Variants in PRAG1 observed in about 807,000 individuals in gnomAD.
The protein encoded by PRAG1 is PEAK1 related, kinase-activating pseudokinase 1.
Under a neutral mutation model 95.6 loss-of-function variants are expected in PRAG1, and 110 were observed. That is an observed-to-expected ratio of 1.15 (90% CI 0.99 to 1.35). The LOEUF is 1.35. PRAG1 is among the 40% of genes most tolerant of loss of function. The pLI is 0.00. For missense variants in PRAG1, 2,554 were observed against 1,864.7 expected, an observed-to-expected ratio of 1.37 and a Z score of -6.81; for synonymous variants, 1,052 against 819.4, an observed-to-expected ratio of 1.28 and a Z score of -4.85.
chr8:8,376,584 G>T lies in PRAG1; in HGVS notation c.1825C>A (p.Pro609Thr). 2 of 1,606,142 alleles carry T rather than the reference G, an allele frequency of 1.2e-6. No homozygotes were observed. The highest frequency in any genetic ancestry group is 4.5e-5 in the East Asian group (2 of 44,716). The change falls in exon 3 of 6, where the codon CCA (proline) becomes ACA (threonine). Residue 609 changes from proline to threonine, a missense_variant. Physicochemically the swap from Pro to Thr is conservative, Grantham distance 38. Coordinates refer to ENST00000615670, the MANE Select transcript of PRAG1 (RefSeq NM_001080826.3). ...GCGGCAGGCTGGGGACACCTGGATG[G>T]GTCACTGATAGCGACACCGTTGGTC... ...CRTNGVAISD[P>T]SRCPQPAASS...
chr8:8,339,349 C>T (rs1799093612), intron 4 of PRAG1, 129 bp downstream of exon 4: 3 of 983,020 alleles, frequency 3.1e-6, no homozygotes, highest in Non-Finnish European at 4.4e-6. Context: ...CTGGAAGAGT[C>T]TACTTCATTG....
chr8:8,358,031 G>A (rs1260487695), intron 3 of PRAG1, among the ~76,000 whole-genome samples: 1 of 152,146 alleles, frequency 6.6e-6, no homozygotes, highest in African/African-American at 2.4e-5. Flanking sequence ...CCCACAGGTT[G>A]AGGGTTCAGT....
Position 8,318,654 on chromosome 8 carries a change from G to A in PRAG1, c.3721C>T (p.Pro1241Ser). ...TACTGGGAAGCAGACACGATCTCGG[G>A]GGCCAGCCGGGCCTGGCTCTTCTTC... ...QQKKSQARLAPEIVSASQYRK... is the reference protein window; with the variant it reads ...QQKKSQARLASEIVSASQYRK... The change falls in exon 6 of 6, where the codon CCC becomes TCC. Residue 1241 changes from proline to serine, a missense_variant. Coordinates refer to ENST00000615670, the MANE Select transcript of PRAG1 (RefSeq NM_001080826.3). The surrounding 1 kb of genome is among the most constrained non-coding windows in gnomAD (Gnocchi z 4.2). 1 of 1,611,884 alleles carries A rather than the reference G, an allele frequency of 6.2e-7. No homozygotes were observed. Among genetic ancestry groups the A allele is most frequent in the Non-Finnish European group, 8.5e-7 (1 of 1,179,868 alleles).
At position 8,319,098 on chromosome 8, in the gene PRAG1, G is replaced by A; in HGVS notation, c.3277C>T (p.Arg1093Ter). The A allele has an allele frequency of 6.2e-7, 1 of 1,609,930 alleles. No individual in the cohort carries two copies. The highest frequency in any genetic ancestry group is 8.5e-7 in the Non-Finnish European group (1 of 1,179,484). ...QEQDCVVVIT[R>*]EVPHQTASDF... ...GAGGCGGTCTGATGTGGCACCTCTCGGGTGATGACCACCACGCAGTCCTGC... is the reference window on the plus strand; with the variant it reads ...GAGGCGGTCTGATGTGGCACCTCTCAGGTGATGACCACCACGCAGTCCTGC... Residue 1093 changes from arginine (R) to a stop codon, truncating the protein, a stop_gained, in exon 6 of 6, where the codon CGA becomes TGA. Transcript: ENST00000615670. LOFTEE classifies it high-confidence loss of function.
chr8:8,372,118 A>G (rs1800227721), intron 3 of PRAG1, among the ~76,000 whole-genome samples: 1 of 152,178 alleles, frequency 6.6e-6, no homozygotes, highest in Admixed American at 6.5e-5. Flanking sequence ...AAAGTCATTA[A>G]GTCATTTAAA....
chr8:8,385,747 G>T (rs916116926), intron 1 of PRAG1, among the ~76,000 whole-genome samples: 1 of 152,130 alleles, frequency 6.6e-6, no homozygotes, highest in South Asian at 2.1e-4. Context: ...TTCTAAGTGT[G>T]TGTGTCCCCG....
chr8:8,327,577 A>C (rs1005145284), intron 5 of PRAG1, 133 bp downstream of exon 5: 1 of 1,083,878 alleles, frequency 9.2e-7, no homozygotes, highest in African/African-American at 1.6e-5. Context: ...TCTTACAAGA[A>C]AAAAAAGAAT....
intron 3 of PRAG1, among the ~76,000 whole-genome samples, chr8:8,371,307 C>T (rs1800194569): frequency 6.6e-6 from 1 of 151,678 alleles, no homozygotes; most frequent in African/African-American, 2.4e-5. Context: ...GTCGCCCAGG[C>T]TGGAGCTCAG....
At chr8:8,339,680 C>G in intron 3 of PRAG1, 45 bp from the exon 4 acceptor site, 1 of 1,574,050 alleles carries the variant, frequency 6.4e-7, no homozygotes, top group Non-Finnish European at 8.7e-7. Context: ...CATTGGATTT[C>G]CATTCAGAAA....
intron 3 of PRAG1, among the ~76,000 whole-genome samples, chr8:8,364,154 A>G (rs951988650): frequency 2.0e-5 from 3 of 152,204 alleles, no homozygotes; most frequent in East Asian, 1.9e-4. Context: ...CAGCTGTTTA[A>G]TAGCCATTTT....
At chr8:8,370,656 GA>G in intron 3 of PRAG1, among the ~76,000 whole-genome samples, 1 of 152,170 alleles carries the variant, frequency 6.6e-6, no homozygotes, top group Non-Finnish European at 1.5e-5. Context: ...GTGGACACTG[GA>G]GACAAACACC....
chr8:8,353,899 C>T (rs892389943), intron 3 of PRAG1, among the ~76,000 whole-genome samples: 27 of 151,338 alleles, frequency 1.8e-4, no homozygotes, highest in African/African-American at 6.3e-4. Context: ...AGGAAGACCA[C>T]CCATTGCACA....
intron 3 of PRAG1, among the ~76,000 whole-genome samples, chr8:8,347,799 T>A (rs1294429194): frequency 6.6e-6 from 1 of 150,610 alleles, no homozygotes; most frequent in Non-Finnish European, 1.5e-5. Context: ...GCTCCTCTAG[T>A]GAGAGATCAA....
intron 3 of PRAG1, among the ~76,000 whole-genome samples, chr8:8,359,347 G>A (rs964396618): frequency 6.6e-5 from 10 of 152,160 alleles, no homozygotes; most frequent in African/African-American, 2.4e-4. Flanking sequence ...ATTCCCAGAT[G>A]CATGGTATAA....
At chr8:8,371,606 AT>A (rs1800208528) in intron 3 of PRAG1, among the ~76,000 whole-genome samples, 2 of 152,126 alleles carry the variant, frequency 1.3e-5, no homozygotes, top group African/African-American at 2.4e-5. Context: ...GTGGTGGCTC[AT>A]GCCTGCAATC....
intron 3 of PRAG1, among the ~76,000 whole-genome samples, chr8:8,358,169 G>C (rs544028374): frequency 6.6e-6 from 1 of 152,148 alleles, no homozygotes; most frequent in East Asian, 1.9e-4. Flanking sequence ...ATTTGTTAGA[G>C]CTGCACATAG....
chr8:8,337,500 G>T (rs558325687), intron 4 of PRAG1, among the ~76,000 whole-genome samples: 2 of 152,158 alleles, frequency 1.3e-5, no homozygotes, highest in African/African-American at 4.8e-5. Context: ...GAGAGAGAGA[G>T]AGAAAGAATG....
In PRAG1 at chr8:8,327,988, C is replaced by T. The variant is rs370977684; in HGVS notation, c.2794G>A (p.Gly932Arg). 2.4e-5 allele frequency: 38 copies of T among 1,596,196 alleles called. No individual in the cohort carries two copies. Among genetic ancestry groups the T allele is most frequent in the South Asian group, 1.2e-4 (11 of 88,210 alleles). Residue 932 changes from glycine (G) to arginine (R), a missense_variant, in exon 5 of 6, where the codon GGG (glycine) becomes AGG (arginine). Transcript: ENST00000615670. ...QLSVSSQASTGSTQLQLHGLL... is the reference protein window; with the variant it reads ...QLSVSSQASTRSTQLQLHGLL... ...CCGTGCAGCTGAAGCTGGGTGCTCCCGGTGGAGGCTTGACTGGACACGCTC... is the reference window on the plus strand; with the variant it reads ...CCGTGCAGCTGAAGCTGGGTGCTCCTGGTGGAGGCTTGACTGGACACGCTC...
At chr8:8,323,742 G>A (rs943038420) in intron 5 of PRAG1, among the ~76,000 whole-genome samples, 3 of 152,086 alleles carry the variant, frequency 2.0e-5, no homozygotes, top group Non-Finnish European at 4.4e-5. Context: ...GCTGAACTGT[G>A]AGTCAATTAA....
Sources: gnomAD v4.1 joint callset for allele counts (sites outside exome capture counted in the v4.1 genomes callset) on GRCh38, gnomAD v4.1.1 for gene constraint, Gnocchi (gnomAD v3.1) non-coding constraint, MANE v1.5 for transcripts, NCBI Gene and HGNC (gene_info 2026-07-23, HGNC 2026-07-21) for gene names.